PUDP: variants seen among roughly 807,000 people sequenced by gnomAD.
The protein encoded by PUDP is pseudouridine-5'-phosphatase.
A neutral mutation model predicts 9.4 loss-of-function variants in PUDP; 8 were observed. The observed-to-expected ratio is 0.85, with a 90% CI of 0.50 to 1.53. PUDP has a LOEUF of 1.53. Among genes scored for constraint, PUDP ranks in the 40% most tolerant of loss-of-function variants. The pLI is 0.00. For missense variants in PUDP, 188 were observed against 189.7 expected, an observed-to-expected ratio of 0.99 and a Z score of 0.05; for synonymous variants, 99 against 80.7, an observed-to-expected ratio of 1.23 and a Z score of -1.22.
chrX:6,764,620 TCTC>T (rs2146675969), intron 3 of PUDP, among the ~76,000 whole-genome samples: 1 of 112,063 alleles, frequency 8.9e-6, no homozygotes, highest in East Asian at 2.8e-4. Flanking sequence ...ATGCAGGACT[TCTC>T]AAAGCCTTTA....
chrX:7,122,575 G>A (rs1400983373), intron 1 of PUDP, among the ~76,000 whole-genome samples: 1 of 111,658 alleles, frequency 9.0e-6, no homozygotes, highest in Non-Finnish European at 1.9e-5. Flanking sequence ...AGATTGATAT[G>A]CTTTGTAACC....
intron 1 of PUDP, among the ~76,000 whole-genome samples, chrX:6,710,124 AAAC>A (rs1018237513): frequency 1.8e-5 from 2 of 112,071 alleles, no homozygotes; most frequent in South Asian, 3.8e-4. Context: ...ACCTGTCCAA[AAAC>A]AACAACAACA....
intron 1 of PUDP, among the ~76,000 whole-genome samples, chrX:7,117,832 G>A (rs1159239764): frequency 8.9e-6 from 1 of 112,985 alleles, no homozygotes; most frequent in African/African-American, 3.2e-5. Context: ...AGAAGAGAAG[G>A]GTGGTTTCCT....
intron 3 of PUDP, among the ~76,000 whole-genome samples, chrX:6,811,187 C>T (rs1388631339): frequency 5.4e-5 from 6 of 111,519 alleles, no homozygotes; most frequent in Admixed American, 1.9e-4. Context: ...CTTGCACTGA[C>T]GAAGTTCTTA....
At chrX:6,927,229 T>C (rs1928119680) in intron 3 of PUDP, among the ~76,000 whole-genome samples, 1 of 111,084 alleles carries the variant, frequency 9.0e-6, no homozygotes, top group Non-Finnish European at 1.9e-5. Context: ...CCATGGTGCC[T>C]GGCCAAGAAG....
At chrX:6,816,612 T>G (rs931712387) in intron 3 of PUDP, among the ~76,000 whole-genome samples, 3 of 101,291 alleles carry the variant, frequency 3.0e-5, no homozygotes, top group Non-Finnish European at 5.9e-5. Context: ...ACATACTATA[T>G]GTATGTATAC....
At chrX:6,798,725 T>A (rs999566450) in intron 3 of PUDP, among the ~76,000 whole-genome samples, 6 of 112,171 alleles carry the variant, frequency 5.3e-5, no homozygotes, top group Non-Finnish European at 9.4e-5. Context: ...ATGCTTTCAA[T>A]CAAATATCTT....
rs960779155 is a variant in PUDP, at chrX:6,849,152, T to C, written c.*247+127981A>G. Among the ~76,000 whole-genome samples, 7 of 111,287 alleles carry C rather than the reference T, an allele frequency of 6.3e-5. 1 individual carries two copies. The East Asian group carries it at 2.0e-3, about 32-fold the overall frequency. On this transcript the variant is annotated intron_variant and NMD_transcript_variant, in intron 3 of 3. Transcript: ENST00000655425. ...GTCAGTGTGAAGAATGTGACCTCTA[T>C]TGGAAGCCCTCTGAGAGCGTGATGC...
chrX:6,757,168 T>C (rs1371060987), intron 3 of PUDP, among the ~76,000 whole-genome samples: 1 of 111,597 alleles, frequency 9.0e-6, no homozygotes, highest in African/African-American at 3.3e-5. Flanking sequence ...GCTGGTGGCA[T>C]TGGGTTCATG....
chrX:6,879,435 TACACACAC>T (rs753425131), intron 3 of PUDP, among the ~76,000 whole-genome samples: 7 of 102,085 alleles, frequency 6.9e-5, no homozygotes, highest in East Asian at 3.2e-4. Context: ...ACAGCACAAT[TACACACAC>T]ACACACACAC....
intron 2 of PUDP, chrX:7,085,446 C>T (rs1255225961): frequency 8.9e-6 from 1 of 112,025 alleles, no homozygotes; most frequent in East Asian, 2.8e-4. Flanking sequence ...ATGCAGGAAG[C>T]TGTTGCTGTG....
At chrX:6,937,431 G>T (rs1234389999) in intron 3 of PUDP, among the ~76,000 whole-genome samples, 1 of 106,732 alleles carries the variant, frequency 9.4e-6, no homozygotes, top group Non-Finnish European at 1.9e-5. Flanking sequence ...CTAGCCATAT[G>T]TAGAAAGCTG....
intron 3 of PUDP, among the ~76,000 whole-genome samples, chrX:7,054,207 C>T (rs1930176668): frequency 9.0e-6 from 1 of 111,057 alleles, no homozygotes; most frequent in Non-Finnish European, 1.9e-5. Context: ...TCAGGAGTTC[C>T]AGACCAGCCT....
chrX:6,896,287 G>C (rs762106057), intron 3 of PUDP, among the ~76,000 whole-genome samples: 5 of 111,807 alleles, frequency 4.5e-5, no homozygotes, highest in Non-Finnish European at 9.4e-5. Flanking sequence ...TAATCACGTG[G>C]AGAAGACCCT....
chrX:6,984,840 C>T (rs1232100995), intron 1 of PUDP, among the ~76,000 whole-genome samples: 1 of 111,770 alleles, frequency 8.9e-6, no homozygotes, highest in African/African-American at 3.3e-5. Context: ...CTGTGCTTTG[C>T]AAATATAATG....
At chrX:7,005,226 G>A (rs1056631356) in intron 1 of PUDP, among the ~76,000 whole-genome samples, 4 of 110,570 alleles carry the variant, frequency 3.6e-5, no homozygotes, top group African/African-American at 1.3e-4. Context: ...TCCAAGAAGG[G>A]CTGTTTCATG....
chrX:6,735,180 G>C (rs187214901), intron 3 of PUDP, among the ~76,000 whole-genome samples: 1 of 111,820 alleles, frequency 8.9e-6, no homozygotes, highest in Admixed American at 9.5e-5. Context: ...GGTTCTCAGA[G>C]GCCCAGTTTT....
intron 3 of PUDP, among the ~76,000 whole-genome samples, chrX:6,789,352 G>A (rs1416780696): frequency 7.2e-5 from 8 of 111,129 alleles, no homozygotes; most frequent in African/African-American, 2.3e-4. Flanking sequence ...GCAGTCCAAG[G>A]CTAGTGAGCA....
chrX:7,067,389 G>A (rs1308891326), intron 3 of PUDP, among the ~76,000 whole-genome samples: 1 of 111,645 alleles, frequency 9.0e-6, no homozygotes, highest in African/African-American at 3.3e-5. Context: ...CAAGAATGAC[G>A]AGCAGCTCTC....
Sources: gnomAD v4.1 joint callset for allele counts (sites outside exome capture counted in the v4.1 genomes callset) on GRCh38, gnomAD v4.1.1 for gene constraint, MANE v1.5 for transcripts, NCBI Gene and HGNC (gene_info 2026-07-23, HGNC 2026-07-21) for gene names.